Variants in TSC2 observed in about 807,000 individuals in gnomAD.
TSC2 encodes the protein TSC complex subunit 2, also known as tuberin.
In TSC2, 29 loss-of-function variants were observed where a neutral mutation model predicts 202.2. That is an observed-to-expected ratio of 0.14 (90% confidence interval 0.11 to 0.20). The LOEUF (loss-of-function observed/expected upper bound fraction) is 0.20, where lower values mean the gene tolerates loss of function less well. Ranked by LOEUF, TSC2 falls within the 10% of genes least tolerant of loss-of-function variation. TSC2 has a pLI of 1.00. For synonymous variants in TSC2, 1,349 were observed against 1,044.0 expected (o/e 1.29, Z -5.63); for missense variants, 2,429 against 2,420.0 (o/e 1.00, Z -0.08).
Position 2,048,607 on chromosome 16 carries a change from T to A in TSC2, c.-9T>A. 1 of 1,613,820 alleles carries A rather than the reference T, an allele frequency of 6.2e-7. No individual in the cohort carries two copies. The highest frequency in any genetic ancestry group is 8.5e-7 in the Non-Finnish European group (1 of 1,180,036). On this transcript the variant is annotated 5_prime_UTR_variant, in exon 2 of 42. Coordinates refer to ENST00000219476, the MANE Select transcript of TSC2 (RefSeq NM_000548.5). ...CACAGAGGGGTTTTCTGGTGCGTCC[T>A]GGTCCACCATGGCCAAACCAACAAG...
chr16:2,078,229 A>G (rs1419735037), intron 26 of TSC2: 1 of 188,268 alleles, frequency 5.3e-6, no homozygotes, highest in African/African-American at 2.4e-5. Context: ...GCCCCAGGCC[A>G]TGGTCTTAGT....
Position 2,078,613 on chromosome 16 carries a change from C to T in TSC2, c.2967-419C>T, listed in dbSNP as rs8047396. On this transcript the variant is annotated intron_variant, in intron 26 of 41. Coordinates refer to ENST00000219476, the MANE Select transcript of TSC2 (RefSeq NM_000548.5). ...CAGCCGCTCGCCTGCCTGAGGGTGA[C>T]GGTGGAAGGCCACATGGGGATCCCA... 4.3e-5 allele frequency: 13 copies of T among 299,156 alleles called. 1 individual carries two copies. Among genetic ancestry groups the T allele is most frequent in the South Asian group, 1.6e-4 (5 of 30,442 alleles). 18.5% of individuals were successfully genotyped at this position (299,156 alleles called of 1,614,324 possible).
chr16:2,086,971 GAGC>G (rs1328955498), intron 38 of TSC2, 100 bp downstream of exon 38: 7 of 1,521,080 alleles, frequency 4.6e-6, no homozygotes, highest in South Asian at 3.6e-5. Flanking sequence ...CGGTCACGAG[GAGC>G]AGGAGGAGAG....
chr16:2,084,657 G>T lies in TSC2; in HGVS notation c.4435G>T (p.Ala1479Ser), dbSNP rs777529733. The change falls in exon 34 of 42, where the codon GCC becomes TCC. Residue 1479 changes from alanine (A) to serine (S), a missense_variant. Transcript: ENST00000219476. ...SRRGKRVERD[A>S]LKSRATASNA... ...CAGGGGCAAGAGAGTAGAGAGGGAC[G>T]CCTTAAAGAGCAGAGCCACAGCCTC... The T allele has an allele frequency of 6.3e-7, 1 of 1,599,040 alleles. No individual in the cohort carries two copies. The highest frequency in any genetic ancestry group is 8.5e-7 in the Non-Finnish European group (1 of 1,179,852).
At chr16:2,088,379 G>C in intron 41 of TSC2, 54 bp downstream of exon 41, 1 of 1,612,360 alleles carries the variant, frequency 6.2e-7, no homozygotes, top group Non-Finnish European at 8.5e-7. Context: ...AAGCTGTGGG[G>C]CGGGTGTGTG....
In TSC2 at chr16:2,064,263, C is replaced by T. The variant is rs780055493; in HGVS notation, c.1444-9C>T. The T allele has an allele frequency of 8.1e-6, 13 of 1,613,764 alleles. No individual in the cohort carries two copies. The highest frequency in any genetic ancestry group is 1.1e-5 in the Non-Finnish European group (13 of 1,180,032). Reference sequence around the variant, plus strand: ...CTGGCGCTCATTGGCCTCCCTTGTGCCTGTGCAGGAGGAGCTGATTAACTC... The same window carrying T: ...CTGGCGCTCATTGGCCTCCCTTGTGTCTGTGCAGGAGGAGCTGATTAACTC... On this transcript the variant is annotated splice_polypyrimidine_tract_variant and intron_variant, in intron 14 of 41. Coordinates refer to ENST00000219476, the MANE Select transcript of TSC2 (RefSeq NM_000548.5).
chr16:2,085,432 G>A (rs2090656348), intron 36 of TSC2, 110 bp downstream of exon 36: 1 of 1,169,140 alleles, frequency 8.6e-7, no homozygotes, highest in Non-Finnish European at 1.2e-6. Context: ...ACACTGCCGG[G>A]TCCCCTACAG....
In TSC2 at chr16:2,062,540, T is replaced by C. The variant is rs773565620; in HGVS notation, c.1301T>C (p.Ile434Thr). ...LNLISYRAQSIHPAKDGWIQN... is the reference protein window; with the variant it reads ...LNLISYRAQSTHPAKDGWIQN... The stretch of plus-strand genomic sequence containing the variant: ...CTGATCTCCTATAGAGCGCAGTCCA[T>C]CCACCCGGCCAAGGACGGCTGGATT... Residue 434 changes from isoleucine (I) to threonine (T), a missense_variant, in exon 13 of 42, where the codon ATC becomes ACC. Physicochemically the swap from Ile to Thr is moderately conservative, Grantham distance 89. Coordinates refer to ENST00000219476, the MANE Select transcript of TSC2 (RefSeq NM_000548.5). 1 of 1,612,604 alleles carries C rather than the reference T, an allele frequency of 6.2e-7. No homozygotes were observed. The highest frequency in any genetic ancestry group is 8.5e-7 in the Non-Finnish European group (1 of 1,179,362).
At chr16:2,076,830 G>A (rs1456380584) in intron 25 of TSC2, among the ~76,000 whole-genome samples, 2 of 152,224 alleles carry the variant, frequency 1.3e-5, no homozygotes, top group Non-Finnish European at 2.9e-5. Flanking sequence ...GGGGGTTGGG[G>A]TGCAAGCTTT....
In TSC2 at chr16:2,072,375, G is replaced by C. The variant is rs780039835; in HGVS notation, c.2220+12G>C. 1.2e-6 allele frequency: 2 copies of C among 1,613,170 alleles called. No individual in the cohort carries two copies. The highest frequency in any genetic ancestry group is 1.7e-4 in the Middle Eastern group (1 of 6,060). On this transcript the variant is annotated intron_variant, in intron 20 of 41. Transcript: ENST00000219476. ...CTCTCTGCTCCATGGTACCATGGCC[G>C]GCCTGGGGTTGGGGTGGGGGACCCA...
chr16:2,055,309 C>T (rs769845473), intron 5 of TSC2, 93 bp from the exon 6 acceptor site: 61 of 964,710 alleles, frequency 6.3e-5, no homozygotes, highest in Middle Eastern at 6.0e-4. Flanking sequence ...CTGGCAGTGA[C>T]GGGTTTGGAC....
In TSC2 at chr16:2,059,010, C is replaced by T. The variant is rs536969293; in HGVS notation, c.975+137C>T. On this transcript the variant is annotated intron_variant, in intron 10 of 41. Transcript: ENST00000219476. Reference sequence around the variant, plus strand: ...GCCTTTCCAGGCAGTTGCTTTGCAGCTGGGGGTGAGGTTTGGGGCCCTTTG... The same window carrying T: ...GCCTTTCCAGGCAGTTGCTTTGCAGTTGGGGGTGAGGTTTGGGGCCCTTTG... 3 of 1,383,502 alleles carry T rather than the reference C, an allele frequency of 2.2e-6. No homozygotes were observed. The East Asian group carries it at 7.6e-5, about 35-fold the overall frequency. The allele number at this position is 1,383,502 out of a possible 1,614,324, so 85.7% of individuals were successfully genotyped here.
chr16:2,058,997 A>T, intron 10 of TSC2, 124 bp downstream of exon 10: 1 of 1,479,482 alleles, frequency 6.8e-7, no homozygotes, highest in Non-Finnish European at 9.1e-7. Context: ...CTTTCCAGGC[A>T]GTTGCTTTGC....
intron 36 of TSC2, among the ~76,000 whole-genome samples, 157 bp downstream of exon 36, chr16:2,085,479 T>G (rs908694991): frequency 6.6e-6 from 1 of 152,192 alleles, no homozygotes; most frequent in African/African-American, 2.4e-5. Flanking sequence ...CAGGTGCTGC[T>G]CTGAGTGCTG....
At chr16:2,083,555 T>C (rs1158558163) in intron 32 of TSC2, 140 bp from the exon 33 acceptor site, 4 of 1,424,562 alleles carry the variant, frequency 2.8e-6, no homozygotes, top group Non-Finnish European at 3.8e-6. Context: ...GCTCGGTGGA[T>C]GGCAGCAGTA....
intron 14 of TSC2, chr16:2,063,756 G>GTCCTCC: frequency 3.4e-5 from 8 of 235,554 alleles, no homozygotes; most frequent in South Asian, 5.9e-5. Context: ...TGGGTCCTCT[G>GTCCTCC]GCTTCTCCCA....
chr16:2,088,829 C>A lies in TSC2; in HGVS notation c.*219C>A, dbSNP rs183689703. 7 of 633,566 alleles carry A rather than the reference C, an allele frequency of 1.1e-5. No individual in the cohort carries two copies. In the East Asian group the frequency reaches 2.0e-4, roughly 18 times the overall value. The allele number at this position is 633,566 out of a possible 1,614,324, so 39.2% of individuals were successfully genotyped here. On this transcript the variant is annotated 3_prime_UTR_variant, in exon 42 of 42. Transcript: ENST00000219476. ...ACACAGAAGCAGGCACAGCCAGCTC[C>A]GAGGGCCTTGAGGCTGCCTGGGCCA...
chr16:2,067,667 G>C (rs980375969), intron 16 of TSC2, among the ~76,000 whole-genome samples: 3 of 152,176 alleles, frequency 2.0e-5, no homozygotes, highest in Non-Finnish European at 2.9e-5. Flanking sequence ...CTACTCGGGA[G>C]GCTGAGGCAG....
At chr16:2,085,546 G>A (rs1314814134) in intron 36 of TSC2, among the ~76,000 whole-genome samples, 1 of 152,246 alleles carries the variant, frequency 6.6e-6, no homozygotes, top group East Asian at 1.9e-4. Flanking sequence ...CCAAGGAGTG[G>A]GAAGGACTGG....
Sources: allele counts gnomAD v4.1 joint callset (sites outside exome capture counted in the v4.1 genomes callset), GRCh38; gene constraint gnomAD v4.1.1; transcripts MANE v1.5; gene names NCBI Gene and HGNC (gene_info 2026-07-23, HGNC 2026-07-21).